Variants in DEPDC4 observed in about 807,000 individuals in gnomAD.
DEPDC4 encodes DEP domain-containing protein 4.
In DEPDC4, 52 loss-of-function variants were observed where a neutral mutation model predicts 52.0. That is an observed-to-expected ratio of 1.00 (90% confidence interval 0.80 to 1.26). DEPDC4 has a LOEUF of 1.26. Ranked by LOEUF, DEPDC4 falls within the 50% of genes most tolerant of loss-of-function variation. DEPDC4 has a pLI of 0.00. For synonymous variants in DEPDC4, 201 were observed against 196.8 expected (o/e 1.02, Z -0.18); for missense variants, 530 against 546.9 (o/e 0.97, Z 0.31).
At chr12:100,261,732 G>T (rs1175068960) in intron 3 of DEPDC4, 1 of 456,594 alleles carries the variant, frequency 2.2e-6, no homozygotes, top group Non-Finnish European at 4.4e-6. Flanking sequence ...TGCCTCACCT[G>T]TCTTATCTGA....
chr12:100,266,651 G>A (rs2096274793), intron 1 of DEPDC4, among the ~76,000 whole-genome samples: 1 of 152,158 alleles, frequency 6.6e-6, no homozygotes, highest in Non-Finnish European at 1.5e-5. Context: ...ATCAGAATTT[G>A]CACTTTCACA....
intron 4 of DEPDC4, among the ~76,000 whole-genome samples, chr12:100,254,318 A>ATTT (rs1555311902): frequency 1.3e-5 from 1 of 78,262 alleles, no homozygotes; most frequent in Non-Finnish European, 2.6e-5. Context: ...CTTTTTTTTG[A>ATTT]CTTTTTTTTT....
intron 8 of DEPDC4, among the ~76,000 whole-genome samples, chr12:100,247,586 A>C (rs2096191356): frequency 6.6e-6 from 1 of 152,236 alleles, no homozygotes. Context: ...AATAATGAAA[A>C]GTTGAATGTG....
intron 5 of DEPDC4, among the ~76,000 whole-genome samples, chr12:100,252,916 A>G (rs561189404): frequency 1.7e-3 from 253 of 152,212 alleles, no homozygotes; most frequent in African/African-American, 5.6e-3. Context: ...ACTATAACAT[A>G]TGTTTCTTTC....
upstream of DEPDC4, among the ~76,000 whole-genome samples, chr12:100,268,226 T>A (rs1446838800): frequency 6.6e-6 from 1 of 152,172 alleles, no homozygotes; most frequent in East Asian, 1.9e-4. Context: ...TGATGACACT[T>A]TCTAAAAACA....
intron 8 of DEPDC4, among the ~76,000 whole-genome samples, chr12:100,246,378 G>A (rs1219104120): frequency 6.6e-6 from 1 of 152,002 alleles, no homozygotes; most frequent in Non-Finnish European, 1.5e-5. Context: ...TCATTGATAT[G>A]GCTGTCTCTC....
chr12:100,259,661 G>A (rs2096246986), intron 3 of DEPDC4, among the ~76,000 whole-genome samples: 1 of 152,150 alleles, frequency 6.6e-6, no homozygotes, highest in Non-Finnish European at 1.5e-5. Context: ...GATAGATACA[G>A]GGAGGGAAAG....
chr12:100,279,291 C>T, the DEPDC4 span, among the ~76,000 whole-genome samples: 3 of 152,318 alleles, frequency 2.0e-5, no homozygotes, highest in African/African-American at 7.2e-5. Context: ...GTTCAGGCTC[C>T]TTTGAGAATC....
chr12:100,270,173 A>G (rs1438204037), upstream of DEPDC4, among the ~76,000 whole-genome samples: 1 of 151,898 alleles, frequency 6.6e-6, no homozygotes, highest in Non-Finnish European at 1.5e-5. Flanking sequence ...TTTTTAGTAG[A>G]GACGGCGTTT....
At chr12:100,267,102 G>A (rs1331902907), upstream of DEPDC4, 2 of 1,609,148 alleles carry the variant, frequency 1.2e-6, no homozygotes, top group South Asian at 1.1e-5. Flanking sequence ...GACACCCGGG[G>A]CGGAGAGAAG....
chr12:100,277,034 A>G, the DEPDC4 span, among the ~76,000 whole-genome samples: 1 of 152,024 alleles, frequency 6.6e-6, no homozygotes, highest in Non-Finnish European at 1.5e-5. Context: ...ATTTCCATAT[A>G]TTTGCAGTTT....
the DEPDC4 span, among the ~76,000 whole-genome samples, chr12:100,274,854 C>A: frequency 6.6e-6 from 1 of 152,282 alleles, no homozygotes; most frequent in East Asian, 1.9e-4. Context: ...GTGCCATAGA[C>A]CCTTTTGACA....
At chr12:100,277,091 T>A in the DEPDC4 span, among the ~76,000 whole-genome samples, 1 of 152,342 alleles carries the variant, frequency 6.6e-6, no homozygotes, top group East Asian at 1.9e-4. Context: ...AATTTTATTG[T>A]AGTCAAAGAG....
At chr12:100,235,566 T>C (rs2096140133), downstream of DEPDC4, among the ~76,000 whole-genome samples, 2 of 150,816 alleles carry the variant, frequency 1.3e-5, no homozygotes, top group Admixed American at 6.6e-5. Flanking sequence ...CAAACTCCAC[T>C]GTATCATTCT....
At chr12:100,236,479 T>G (rs1171386664), downstream of DEPDC4, among the ~76,000 whole-genome samples, 1 of 152,154 alleles carries the variant, frequency 6.6e-6, no homozygotes, top group African/African-American at 2.4e-5. Context: ...TGTTGGTCAT[T>G]TGTATATCTT....
At chr12:100,270,887 C>A (rs1195362107), upstream of DEPDC4, among the ~76,000 whole-genome samples, 1 of 151,928 alleles carries the variant, frequency 6.6e-6, no homozygotes, top group African/African-American at 2.4e-5. Context: ...TGGTGCTTTT[C>A]ATCTAGTAGG....
At chr12:100,271,360 C>T (rs957982646), upstream of DEPDC4, among the ~76,000 whole-genome samples, 9 of 151,172 alleles carry the variant, frequency 6.0e-5, no homozygotes, top group East Asian at 3.9e-4. Context: ...TATAAGCACA[C>T]GTATTTTCCC....
downstream of DEPDC4, among the ~76,000 whole-genome samples, chr12:100,235,485 C>G (rs1166554485): frequency 6.6e-6 from 1 of 151,828 alleles, no homozygotes; most frequent in Non-Finnish European, 1.5e-5. Context: ...ATCCCCCCAG[C>G]AGTATACACT....
At chr12:100,244,091 CTGTGTA>C (rs1410782344) in intron 8 of DEPDC4, among the ~76,000 whole-genome samples, 2 of 34,988 alleles carry the variant, frequency 5.7e-5, no homozygotes, top group African/African-American at 2.0e-4. Flanking sequence ...CTCTCTCTCT[CTGTGTA>C]TATATATATA....
Sources: allele counts gnomAD v4.1 joint callset (sites outside exome capture counted in the v4.1 genomes callset), GRCh38; gene constraint gnomAD v4.1.1; transcripts MANE v1.5; gene names NCBI Gene and HGNC (gene_info 2026-07-23, HGNC 2026-07-21).